KHDRBS2: variants seen among roughly 807,000 people sequenced by gnomAD.
KHDRBS2 encodes the protein KH RNA binding domain containing, signal transduction associated 2, also known as KH domain-containing, RNA-binding, signal transduction-associated protein 2.
KHDRBS2 carries 26 observed loss-of-function variants against 44.3 expected under a neutral mutation model. The ratio of observed to expected loss-of-function variants is 0.59; its 90% CI spans 0.43 to 0.81. The LOEUF is 0.81. Among genes scored for constraint, KHDRBS2 ranks in the 40% least tolerant of loss-of-function variants. The pLI is 0.00. For synonymous variants in KHDRBS2, 194 were observed against 151.1 expected (o/e 1.28, Z -2.08); for missense variants, 476 against 433.1 (o/e 1.10, Z -0.88).
At chr6:61,859,109 A>C (rs577943047) in intron 6 of KHDRBS2, among the ~76,000 whole-genome samples, 1 of 151,948 alleles carries the variant, frequency 6.6e-6, no homozygotes, top group South Asian at 2.1e-4. Context: ...CTATATAAGT[A>C]CTATTTTAAA....
At chr6:61,544,602 G>A in the KHDRBS2 span, among the ~76,000 whole-genome samples, 1 of 152,062 alleles carries the variant, frequency 6.6e-6, no homozygotes, top group African/African-American at 2.4e-5. Flanking sequence ...TTTACTTCCT[G>A]ACTCTCAGGT....
the KHDRBS2 span, among the ~76,000 whole-genome samples, chr6:61,614,501 T>C: frequency 9.2e-5 from 14 of 152,230 alleles, no homozygotes; most frequent in African/African-American, 3.4e-4. Context: ...TTTAATTGTT[T>C]TGTCTGTATA....
At chr6:61,835,710 C>CGT (rs3078000) in intron 6 of KHDRBS2, among the ~76,000 whole-genome samples, 53,825 of 145,348 alleles carry the variant, frequency 0.37, 10,057 homozygotes, top group African/African-American at 0.48. Context: ...TTGATGTGTG[C>CGT]GTGTGTGTGT....
the KHDRBS2 span, among the ~76,000 whole-genome samples, chr6:61,624,874 TC>T: frequency 1.3e-5 from 2 of 151,926 alleles, no homozygotes; most frequent in African/African-American, 4.8e-5. Context: ...CACTTGGAGG[TC>T]CTAGTCTGCA....
chr6:61,845,368 G>A (rs1339723075), intron 6 of KHDRBS2, among the ~76,000 whole-genome samples: 3 of 145,584 alleles, frequency 2.1e-5, no homozygotes, highest in Non-Finnish European at 4.5e-5. Flanking sequence ...GGAGTGCAGT[G>A]GCATGATCTT....
downstream of KHDRBS2, among the ~76,000 whole-genome samples, chr6:61,679,615 C>T (rs543940884): frequency 5.9e-5 from 9 of 152,004 alleles, no homozygotes; most frequent in South Asian, 6.2e-4. Context: ...CCTTCTAGGG[C>T]GGTGATATTT....
the KHDRBS2 span, among the ~76,000 whole-genome samples, chr6:61,588,156 G>T: frequency 1.5e-3 from 224 of 152,240 alleles, no homozygotes; most frequent in African/African-American, 5.0e-3. Flanking sequence ...ATTTATTAGG[G>T]TTTTTAATGG....
At chr6:61,754,615 A>G (rs1778221141) in intron 6 of KHDRBS2, among the ~76,000 whole-genome samples, 1 of 147,830 alleles carries the variant, frequency 6.8e-6, no homozygotes, top group African/African-American at 2.5e-5. Flanking sequence ...TCCACCTTAC[A>G]TAGGACTTTG....
At chr6:62,179,316 T>C (rs954395899) in intron 1 of KHDRBS2, among the ~76,000 whole-genome samples, 1 of 151,684 alleles carries the variant, frequency 6.6e-6, no homozygotes, top group Non-Finnish European at 1.5e-5. Context: ...TGAAAATAAG[T>C]TATATGTCTA....
chr6:61,906,872 T>C (rs189423261), intron 4 of KHDRBS2, among the ~76,000 whole-genome samples: 9 of 151,768 alleles, frequency 5.9e-5, no homozygotes, highest in African/African-American at 2.2e-4. Flanking sequence ...CGTGCAGATA[T>C]CTCTTTGATA....
At chr6:61,982,467 C>A (rs1450118302) in intron 3 of KHDRBS2, among the ~76,000 whole-genome samples, 1 of 151,794 alleles carries the variant, frequency 6.6e-6, no homozygotes, top group Non-Finnish European at 1.5e-5. Flanking sequence ...GTCAGGAGAT[C>A]GAGACCATCC....
At chr6:61,735,544 A>G (rs1337800911) in intron 6 of KHDRBS2, among the ~76,000 whole-genome samples, 1 of 152,142 alleles carries the variant, frequency 6.6e-6, no homozygotes, top group African/African-American at 2.4e-5. Flanking sequence ...TTTGATGATT[A>G]TATCTGTTTA....
intron 6 of KHDRBS2, among the ~76,000 whole-genome samples, chr6:61,825,652 G>A (rs1464157364): frequency 6.6e-6 from 1 of 152,054 alleles, no homozygotes; most frequent in African/African-American, 2.4e-5. Context: ...TGTGCTTGTG[G>A]TCATGCAACA....
At chr6:62,114,480 TG>T (rs1273900034) in intron 2 of KHDRBS2, among the ~76,000 whole-genome samples, 4 of 152,108 alleles carry the variant, frequency 2.6e-5, no homozygotes, top group African/African-American at 9.7e-5. Context: ...CGGAACAGAA[TG>T]ATATCAATTA....
chr6:62,167,366 A>T (rs1307150467), intron 2 of KHDRBS2, among the ~76,000 whole-genome samples: 4 of 152,070 alleles, frequency 2.6e-5, no homozygotes, highest in Non-Finnish European at 5.9e-5. Context: ...CATAAAAATT[A>T]AAAAAATACA....
At position 61,984,525 on chromosome 6, in the gene KHDRBS2, T is replaced by TTG. The variant is rs1294304925; in HGVS notation, c.337-6314_337-6313insCA. Reference sequence around the variant, plus strand: ...GAAACAGAGATTTACCAAAGTCAGCTACCACAACCCCTGACTCTGGAGTGG... The same window carrying TTG: ...GAAACAGAGATTTACCAAAGTCAGCTTGACCACAACCCCTGACTCTGGAGTGG... On this transcript the variant is annotated intron_variant, in intron 3 of 8. Coordinates refer to ENST00000281156, the MANE Select transcript of KHDRBS2 (RefSeq NM_152688.4). 5.7e-4 allele frequency among the ~76,000 whole-genome samples: 87 copies of TTG among 152,328 alleles called. 2 individuals are homozygous for TTG. The South Asian group carries it at 0.018, about 31-fold the overall frequency.
At chr6:61,809,893 T>C (rs1407670845) in intron 6 of KHDRBS2, among the ~76,000 whole-genome samples, 1 of 152,172 alleles carries the variant, frequency 6.6e-6, no homozygotes, top group African/African-American at 2.4e-5. Flanking sequence ...TGAAGATTCA[T>C]AATGTAAAGA....
At chr6:61,761,014 G>A (rs1047715075) in intron 6 of KHDRBS2, among the ~76,000 whole-genome samples, 1 of 152,156 alleles carries the variant, frequency 6.6e-6, no homozygotes, top group Non-Finnish European at 1.5e-5. Context: ...GGGTTGAAAG[G>A]TATTGAAAAT....
chr6:62,157,456 C>G (rs1280671330), intron 2 of KHDRBS2, among the ~76,000 whole-genome samples: 1 of 152,188 alleles, frequency 6.6e-6, no homozygotes, highest in Non-Finnish European at 1.5e-5. Context: ...ACATCTTGCT[C>G]TCCTTTAGTT....
Sources: gnomAD v4.1 joint callset for allele counts (sites outside exome capture counted in the v4.1 genomes callset) on GRCh38, gnomAD v4.1.1 for gene constraint, MANE v1.5 for transcripts, NCBI Gene and HGNC (gene_info 2026-07-23, HGNC 2026-07-21) for gene names.